The following FSTL4 variants were observed in gnomAD, a reference collection of about 807,000 sequenced individuals.
FSTL4 encodes follistatin like 4, also known as follistatin-related protein 4.
In FSTL4, 28 loss-of-function variants were observed where a neutral mutation model predicts 78.2. That is an observed-to-expected ratio of 0.36 (90% CI 0.27 to 0.49). The LOEUF (loss-of-function observed/expected upper bound fraction) is 0.49, where lower values mean the gene tolerates loss of function less well. FSTL4 is among the 20% of genes least tolerant of loss of function. The probability of loss-of-function intolerance (pLI) is 0.98; values close to 1 mark genes in which losing one functional copy is unlikely to be tolerated. For missense variants in FSTL4, 922 were observed against 1,084.9 expected (o/e 0.85, Z 2.11); for synonymous variants, 422 against 440.5 (o/e 0.96, Z 0.53).
chr5:133,648,304 C>T, the FSTL4 span, among the ~76,000 whole-genome samples: 1 of 152,194 alleles, frequency 6.6e-6, no homozygotes, highest in African/African-American at 2.4e-5. Flanking sequence ...AGTGCCAGAG[C>T]AAATGTTCCA....
chr5:133,694,699 A>G, the FSTL4 span, among the ~76,000 whole-genome samples: 1 of 152,208 alleles, frequency 6.6e-6, no homozygotes, highest in Non-Finnish European at 1.5e-5. Flanking sequence ...AAAATACCAC[A>G]GACTGGGTGG....
intron 3 of FSTL4, among the ~76,000 whole-genome samples, chr5:133,444,234 T>A (rs1048074220): frequency 1.3e-5 from 2 of 152,230 alleles, no homozygotes; most frequent in South Asian, 4.1e-4. Context: ...AGGCACCTTC[T>A]TGCCCACAGT....
At chr5:133,345,375 C>T (rs1754675306) in intron 4 of FSTL4, among the ~76,000 whole-genome samples, 1 of 152,112 alleles carries the variant, frequency 6.6e-6, no homozygotes, top group African/African-American at 2.4e-5. Context: ...CGTAGGTTGC[C>T]TGTTCACTCT....
chr5:133,785,335 A>T, the FSTL4 span, among the ~76,000 whole-genome samples: 2 of 152,192 alleles, frequency 1.3e-5, no homozygotes, highest in African/African-American at 4.8e-5. Flanking sequence ...ATAGGCCAAG[A>T]GTGACCTACC....
At chr5:133,512,280 GATACTGATC>G (rs1366323919) in intron 3 of FSTL4, among the ~76,000 whole-genome samples, 170 of 152,294 alleles carry the variant, frequency 1.1e-3, no homozygotes, top group African/African-American at 4.0e-3. Context: ...GTTCAGACTC[GATACTGATC>G]ATACAAATCT....
intron 6 of FSTL4, among the ~76,000 whole-genome samples, chr5:133,312,176 C>G (rs541316060): frequency 5.3e-5 from 8 of 152,192 alleles, no homozygotes; most frequent in Admixed American, 3.9e-4. Flanking sequence ...TCCCCTGCCT[C>G]TCTTCACATT....
chr5:133,451,884 G>A (rs1236424470), intron 3 of FSTL4, among the ~76,000 whole-genome samples: 2 of 152,202 alleles, frequency 1.3e-5, no homozygotes, highest in Non-Finnish European at 2.9e-5. Context: ...AGAGAGCATC[G>A]AGATTGCGCA....
intron 3 of FSTL4, among the ~76,000 whole-genome samples, chr5:133,552,598 C>T (rs969849866): frequency 1.3e-5 from 2 of 152,196 alleles, no homozygotes; most frequent in African/African-American, 4.8e-5. Flanking sequence ...TTACAAAAAA[C>T]CTCTGCAGGC....
chr5:133,253,178 G>A (rs1037805781), intron 6 of FSTL4, among the ~76,000 whole-genome samples: 1 of 152,168 alleles, frequency 6.6e-6, no homozygotes, highest in African/African-American at 2.4e-5. Flanking sequence ...GTTATTTCCT[G>A]GTCAACAAGC....
the FSTL4 span, among the ~76,000 whole-genome samples, chr5:133,776,458 C>A: frequency 2.6e-5 from 4 of 152,162 alleles, no homozygotes; most frequent in African/African-American, 9.7e-5. Flanking sequence ...TCCCAGGGTA[C>A]AACAATCATC....
At chr5:133,753,546 CCAGGTGGTAACT>C in the FSTL4 span, among the ~76,000 whole-genome samples, 1 of 152,170 alleles carries the variant, frequency 6.6e-6, no homozygotes, top group Admixed American at 6.5e-5. Context: ...CTGAGCTAAG[CCAGGTGGTAACT>C]CTCACTAGGG....
chr5:133,582,711 A>G (rs762612652), intron 2 of FSTL4, among the ~76,000 whole-genome samples: 5 of 152,116 alleles, frequency 3.3e-5, no homozygotes, highest in Non-Finnish European at 7.4e-5. Flanking sequence ...GCTCTTACCC[A>G]TGACTTTCTC....
the FSTL4 span, among the ~76,000 whole-genome samples, chr5:133,629,786 A>G: frequency 6.6e-6 from 1 of 152,202 alleles, no homozygotes; most frequent in Non-Finnish European, 1.5e-5. Flanking sequence ...CACATCAAAA[A>G]GCTTATCCAC....
chr5:133,602,471 G>C (rs1043804641), intron 2 of FSTL4, among the ~76,000 whole-genome samples: 4 of 152,140 alleles, frequency 2.6e-5, no homozygotes, highest in African/African-American at 9.7e-5. Context: ...TAAAACAGTG[G>C]GCCGATGAGC....
At chr5:133,233,652 T>C (rs927719961) in intron 7 of FSTL4, 115 bp from the exon 8 acceptor site, 10 of 1,296,362 alleles carry the variant, frequency 7.7e-6, no homozygotes, top group African/African-American at 1.5e-5. Context: ...CCTTTCTGCC[T>C]GGCCCTTGCT....
the FSTL4 span, among the ~76,000 whole-genome samples, chr5:133,746,799 A>G: frequency 6.6e-6 from 1 of 152,224 alleles, no homozygotes; most frequent in Non-Finnish European, 1.5e-5. Flanking sequence ...GTTTTTGCCT[A>G]AAACAGCAAA....
chr5:133,388,578 A>T (rs1432678954), intron 4 of FSTL4: 4 of 124,052 alleles, frequency 3.2e-5, no homozygotes, highest in Non-Finnish European at 6.9e-5. Flanking sequence ...GTGCAACACC[A>T]GGTAGGACTT....
intron 3 of FSTL4, among the ~76,000 whole-genome samples, chr5:133,547,021 C>G (rs917488955): frequency 1.3e-5 from 2 of 152,262 alleles, no homozygotes. Flanking sequence ...TGCAGAGAGC[C>G]CCCATTAAGT....
chr5:133,593,074 A>G (rs1291403364), intron 2 of FSTL4, among the ~76,000 whole-genome samples: 1 of 152,152 alleles, frequency 6.6e-6, no homozygotes, highest in Non-Finnish European at 1.5e-5. Context: ...CACATGCTGC[A>G]GTACCCTAAG....
Sources: allele counts gnomAD v4.1 joint callset (sites outside exome capture counted in the v4.1 genomes callset), GRCh38; gene constraint gnomAD v4.1.1; transcripts MANE v1.5; gene names NCBI Gene and HGNC (gene_info 2026-07-23, HGNC 2026-07-21).